Variants in ABHD12 observed in about 807,000 individuals in gnomAD.
ABHD12 encodes the protein abhydrolase domain containing 12, lysophospholipase.
In ABHD12, 43 loss-of-function variants were observed where a neutral mutation model predicts 58.3. The observed-to-expected ratio is 0.74, with a 90% CI of 0.58 to 0.95. The LOEUF (loss-of-function observed/expected upper bound fraction) is 0.95, where lower values mean the gene tolerates loss of function less well. Ranked by LOEUF, ABHD12 falls within the 40% of genes least tolerant of loss-of-function variation. The pLI is 0.00. For synonymous variants in ABHD12, 219 were observed against 211.2 expected (o/e 1.04, Z -0.32); for missense variants, 539 against 537.2 (o/e 1.00, Z -0.03).
intron 1 of ABHD12, among the ~76,000 whole-genome samples, chr20:25,341,689 C>A (rs2089456296): frequency 6.6e-6 from 1 of 152,200 alleles, no homozygotes; most frequent in Non-Finnish European, 1.5e-5. Flanking sequence ...CCATCACCAA[C>A]TCTTTATTCT....
At chr20:25,356,692 T>C (rs571923340) in intron 1 of ABHD12, among the ~76,000 whole-genome samples, 1 of 152,164 alleles carries the variant, frequency 6.6e-6, no homozygotes, top group Non-Finnish European at 1.5e-5. Context: ...AGGAGCACTG[T>C]GGCAGAGTGG....
At chr20:25,356,727 G>C (rs2089673588) in intron 1 of ABHD12, among the ~76,000 whole-genome samples, 1 of 152,166 alleles carries the variant, frequency 6.6e-6, no homozygotes, top group Non-Finnish European at 1.5e-5. Flanking sequence ...GTAGGAGAGG[G>C]GTCTCCAGAG....
intron 9 of ABHD12, 74 bp from the exon 10 acceptor site, chr20:25,306,989 T>A (rs2088755961): frequency 8.8e-7 from 1 of 1,138,150 alleles, no homozygotes; most frequent in African/African-American, 1.5e-5. Flanking sequence ...GTGCAGACAG[T>A]TTAAGTTCAG....
At chr20:25,370,326 T>C (rs1016580952) in intron 1 of ABHD12, among the ~76,000 whole-genome samples, 2 of 151,856 alleles carry the variant, frequency 1.3e-5, no homozygotes, top group South Asian at 2.1e-4. Flanking sequence ...GCCAAGACAA[T>C]AAGGGGGCCA....
chr20:25,320,359 CT>C lies in ABHD12; in HGVS notation c.423-42del, dbSNP rs750866127. 112 of 1,609,570 alleles carry C rather than the reference CT, an allele frequency of 7.0e-5. No individual in the cohort carries two copies. The East Asian group carries it at 9.8e-4, about 14-fold the overall frequency. ...GAGGGGAGCGCAGGATCAGATGTCCCTTCTGTCCTCATCCTGGCGACTGCAC... is the reference window on the plus strand; with the variant it reads ...GAGGGGAGCGCAGGATCAGATGTCCCTCTGTCCTCATCCTGGCGACTGCAC... On this transcript the variant is annotated intron_variant, in intron 3 of 12. Coordinates refer to ENST00000339157, the MANE Select transcript of ABHD12 (RefSeq NM_001042472.3).
intron 2 of ABHD12, among the ~76,000 whole-genome samples, chr20:25,328,632 C>T (rs1423396067): frequency 6.6e-6 from 1 of 152,222 alleles, no homozygotes; most frequent in Non-Finnish European, 1.5e-5. Flanking sequence ...AAGTATTTTA[C>T]AAGGATTAGC....
At chr20:25,357,581 AAAT>A (rs1261366215) in intron 1 of ABHD12, among the ~76,000 whole-genome samples, 1 of 152,216 alleles carries the variant, frequency 6.6e-6, no homozygotes, top group Non-Finnish European at 1.5e-5. Context: ...GGACCATTCA[AAAT>A]ATGTTCAAGG....
intron 1 of ABHD12, among the ~76,000 whole-genome samples, chr20:25,346,667 C>T (rs902833850): frequency 7.2e-5 from 11 of 152,262 alleles, no homozygotes; most frequent in Middle Eastern, 6.8e-3. Context: ...TATTTTGAGA[C>T]GGAGCCTTGC....
At chr20:25,312,412 C>T (rs1359050678) in intron 6 of ABHD12, among the ~76,000 whole-genome samples, 2 of 152,200 alleles carry the variant, frequency 1.3e-5, no homozygotes, top group South Asian at 4.1e-4. Flanking sequence ...AGCTCCTAAC[C>T]GCGAGTGATC....
At chr20:25,376,377 C>T (rs925550104) in intron 1 of ABHD12, among the ~76,000 whole-genome samples, 2 of 152,136 alleles carry the variant, frequency 1.3e-5, no homozygotes, top group Admixed American at 1.3e-4. Context: ...AGCAATTTCA[C>T]TCTACTGAAT....
At chr20:25,355,357 A>AT (rs1193084615) in intron 1 of ABHD12, among the ~76,000 whole-genome samples, 1 of 152,186 alleles carries the variant, frequency 6.6e-6, no homozygotes, top group Non-Finnish European at 1.5e-5. Flanking sequence ...AGAAAAAAAA[A>AT]GCTGAGCTCA....
chr20:25,361,266 A>C (rs1568760081), intron 1 of ABHD12, among the ~76,000 whole-genome samples: 1 of 152,240 alleles, frequency 6.6e-6, no homozygotes, highest in African/African-American at 2.4e-5. Context: ...ACTGCATGAA[A>C]TCTATTTGAA....
chr20:25,312,394 T>A (rs1238341831), intron 6 of ABHD12, among the ~76,000 whole-genome samples: 1 of 152,174 alleles, frequency 6.6e-6, no homozygotes, highest in African/African-American at 2.4e-5. Flanking sequence ...TTGGCCAGGC[T>A]GGTCTTCAGC....
At chr20:25,368,578 C>T in intron 1 of ABHD12, 1 of 1,400,274 alleles carries the variant, frequency 7.1e-7, no homozygotes, top group South Asian at 1.2e-5. Context: ...GAAGTCACCA[C>T]CCTGATACAT....
At chr20:25,327,921 C>G (rs992515815) in intron 2 of ABHD12, among the ~76,000 whole-genome samples, 6 of 152,234 alleles carry the variant, frequency 3.9e-5, no homozygotes, top group Middle Eastern at 6.8e-3. Context: ...TCTTGTGGCC[C>G]CCACCCAAGA....
chr20:25,333,847 T>G (rs2089318512), intron 2 of ABHD12, among the ~76,000 whole-genome samples: 1 of 151,978 alleles, frequency 6.6e-6, no homozygotes, highest in African/African-American at 2.4e-5. Flanking sequence ...CCACAGCCAA[T>G]ATCATACTGA....
At chr20:25,352,270 A>G (rs2990512) in intron 1 of ABHD12, among the ~76,000 whole-genome samples, 90,391 of 150,658 alleles carry the variant, frequency 0.6, 27,986 homozygotes, top group African/African-American at 0.72. Context: ...AGGATTACAG[A>G]CATGAGCCAC....
At chr20:25,349,133 T>C (rs866615727) in intron 1 of ABHD12, among the ~76,000 whole-genome samples, 2 of 151,228 alleles carry the variant, frequency 1.3e-5, no homozygotes, top group African/African-American at 2.4e-5. Flanking sequence ...TCATACAATC[T>C]GGCAAAACGG....
rs372924848 is a variant in ABHD12, at chr20:25,309,599, G to A, written c.620-24C>T. 187 of 1,613,402 alleles carry A rather than the reference G, an allele frequency of 1.2e-4. 2 individuals are homozygous for A. The highest frequency in any genetic ancestry group is 9.4e-4 in the South Asian group (86 of 91,058). Reference sequence around the variant, plus strand: ...ACCTGGGAGGGAGAAACGGCAGGACGGGGAGGTCAAAGGCAGCTCACAAAA... The same window carrying A: ...ACCTGGGAGGGAGAAACGGCAGGACAGGGAGGTCAAAGGCAGCTCACAAAA... On this transcript the variant is annotated intron_variant, in intron 6 of 12. Coordinates refer to ENST00000339157, the MANE Select transcript of ABHD12 (RefSeq NM_001042472.3).
Sources: gnomAD v4.1 joint callset for allele counts (sites outside exome capture counted in the v4.1 genomes callset) on GRCh38, gnomAD v4.1.1 for gene constraint, MANE v1.5 for transcripts, NCBI Gene and HGNC (gene_info 2026-07-23, HGNC 2026-07-21) for gene names.